Variants in CCNB1 observed in about 807,000 individuals in gnomAD.
CCNB1 encodes cyclin B1.
CCNB1 carries 26 observed loss-of-function variants against 44.4 expected under a neutral mutation model. That is an observed-to-expected ratio of 0.59 (90% CI 0.43 to 0.81). The LOEUF (loss-of-function observed/expected upper bound fraction) is 0.81, where lower values mean the gene tolerates loss of function less well. Among genes scored for constraint, CCNB1 ranks in the 40% least tolerant of loss-of-function variants. The probability of loss-of-function intolerance (pLI) is 0.00; values close to 1 mark genes in which losing one functional copy is unlikely to be tolerated. For synonymous variants in CCNB1, 195 were observed against 181.4 expected (o/e 1.08, Z -0.60); for missense variants, 477 against 520.9 (o/e 0.92, Z 0.82).
At chr5:69,169,243 A>G (rs1344992827) in intron 3 of CCNB1, among the ~76,000 whole-genome samples, 1 of 151,920 alleles carries the variant, frequency 6.6e-6, no homozygotes, top group Non-Finnish European at 1.5e-5. Context: ...GCTAATTTTC[A>G]TATTTTTAGT....
At position 69,175,064 on chromosome 5, in the gene CCNB1, G is replaced by A. The variant is rs1747552556; in HGVS notation, c.893G>A (p.Gly298Asp). Residue 298 changes from glycine (G) to aspartate (D), a missense_variant, in exon 6 of 9, where the codon GGT (glycine) becomes GAT (aspartate). By Grantham distance (94) the Gly-to-Asp change is moderately conservative (BLOSUM62 -1). Transcript: ENST00000256442. ...KILRALNFGL[G>D]RPLPLHFLRR... ...CTAAGAGCTTTAAACTTTGGTCTGGGTCGGCCTCTACCTTTGCACTTCCTT... is the reference window on the plus strand; with the variant it reads ...CTAAGAGCTTTAAACTTTGGTCTGGATCGGCCTCTACCTTTGCACTTCCTT... The A allele has an allele frequency of 1.9e-6, 3 of 1,614,044 alleles. No individual in the cohort carries two copies. Among genetic ancestry groups the A allele is most frequent in the Non-Finnish European group, 2.5e-6 (3 of 1,180,058 alleles).
chr5:69,171,533 A>C, intron 4 of CCNB1, 81 bp downstream of exon 4: 2 of 1,019,984 alleles, frequency 2.0e-6, no homozygotes, highest in Non-Finnish European at 2.9e-6. Flanking sequence ...ATAATAATAC[A>C]AGCAGGACGT....
chr5:69,174,938 G>A lies in CCNB1; in HGVS notation c.767G>A (p.Ser256Asn). The change falls in exon 6 of 9, where the codon AGC (serine) becomes AAC (asparagine). Residue 256 changes from serine (S) to asparagine (N), a missense_variant. By Grantham distance (46) the Ser-to-Asn change is conservative. Coordinates refer to ENST00000256442, the MANE Select transcript of CCNB1 (RefSeq NM_031966.4). ...LVGVTAMFIA[S>N]KYEEMYPPEI... ...GGTGTCACTGCCATGTTTATTGCAA[G>A]CAAATATGAAGAAATGTACCCTCCA... The A allele has an allele frequency of 6.2e-7, 1 of 1,614,148 alleles. No homozygotes were observed. Among genetic ancestry groups the A allele is most frequent in the Non-Finnish European group, 8.5e-7 (1 of 1,180,026 alleles).
chr5:69,177,462 AT>A (rs1349240371), intron 8 of CCNB1, 61 bp from the exon 9 acceptor site: 1 of 1,241,418 alleles, frequency 8.1e-7, no homozygotes, highest in African/African-American at 1.5e-5. Context: ...GAATACCTGT[AT>A]CATTGCATCT....
At chr5:69,174,518 G>A (rs1048379920) in intron 5 of CCNB1, 109 bp downstream of exon 5, 2 of 1,009,268 alleles carry the variant, frequency 2.0e-6, no homozygotes, top group Non-Finnish European at 3.0e-6. Context: ...AATCCCAGCG[G>A]GCGGGTGGAT....
At position 69,177,616 on chromosome 5, in the gene CCNB1, T is replaced by A; in HGVS notation, c.1287T>A (p.Ala429=). 6.2e-7 allele frequency: 1 copy of A among 1,610,270 alleles called. No homozygotes were observed. Among genetic ancestry groups the A allele is most frequent in the Non-Finnish European group, 8.5e-7 (1 of 1,176,746 alleles). The change falls in exon 9 of 9, where the codon GCT becomes GCA. Residue 429 remains alanine, a synonymous_variant. Coordinates refer to ENST00000256442, the MANE Select transcript of CCNB1 (RefSeq NM_031966.4). The stretch of plus-strand genomic sequence containing the variant: ...CACTAGTTCAAGATTTAGCCAAGGC[T>A]GTGGCAAAGGTGTAACTTGTAAACT... ...NSALVQDLAK[A]VAKV is the part of the protein sequence containing the mutation.
At chr5:69,172,400 G>A (rs1466057683) in intron 4 of CCNB1, among the ~76,000 whole-genome samples, 1 of 152,064 alleles carries the variant, frequency 6.6e-6, no homozygotes, top group African/African-American at 2.4e-5. Flanking sequence ...GGGATTACAG[G>A]TGCCCACCAC....
In CCNB1 at chr5:69,177,569, A is replaced by G; in HGVS notation, c.1240A>G (p.Thr414Ala). 2.5e-6 allele frequency: 4 copies of G among 1,613,798 alleles called. No homozygotes were observed. The highest frequency in any genetic ancestry group is 1.1e-5 in the South Asian group (1 of 91,070). ...YATSKHAKISTLPQLNSALVQ... is the reference protein window; with the variant it reads ...YATSKHAKISALPQLNSALVQ... Reference sequence around the variant, plus strand: ...CACATCGAAGCATGCTAAGATCAGCACTCTACCACAGCTGAATTCTGCACT... The same window carrying G: ...CACATCGAAGCATGCTAAGATCAGCGCTCTACCACAGCTGAATTCTGCACT... The change falls in exon 9 of 9, where the codon ACT (threonine) becomes GCT (alanine). Residue 414 changes from threonine to alanine, a missense_variant. Coordinates refer to ENST00000256442, the MANE Select transcript of CCNB1 (RefSeq NM_031966.4).
intron 4 of CCNB1, among the ~76,000 whole-genome samples, chr5:69,172,940 A>AT (rs1232166108): frequency 6.6e-6 from 1 of 151,510 alleles, no homozygotes; most frequent in Non-Finnish European, 1.5e-5. Context: ...CGCCTGGCTA[A>AT]TTTTTTATAT....
chr5:69,172,509 G>C (rs1262726915), intron 4 of CCNB1, among the ~76,000 whole-genome samples: 2 of 151,936 alleles, frequency 1.3e-5, no homozygotes, highest in Non-Finnish European at 2.9e-5. Context: ...TACCCATCCC[G>C]GCCTCCCAAA....
chr5:69,176,119 C>T (rs984432381), intron 7 of CCNB1, among the ~76,000 whole-genome samples: 3 of 151,030 alleles, frequency 2.0e-5, no homozygotes, highest in African/African-American at 7.3e-5. Context: ...AAACTCTGGG[C>T]TCAAGCGATC....
Position 69,174,546 on chromosome 5 carries a change from G to A in CCNB1, c.705+137G>A, listed in dbSNP as rs568984796. The A allele has an allele frequency of 1.1e-4, 92 of 805,664 alleles. 1 individual carries two copies. Among genetic ancestry groups the A allele is most frequent in the Non-Finnish European group, 1.7e-4 (84 of 498,696 alleles). 49.9% of individuals were successfully genotyped at this position (805,664 alleles called of 1,614,324 possible). On this transcript the variant is annotated intron_variant, in intron 5 of 8. Transcript: ENST00000256442. Reference sequence around the variant, plus strand: ...GGGTGGATCACAAGGTTAGGAGATCGAGACCATCCTGGCCAACGCAGTAAA... The same window carrying A: ...GGGTGGATCACAAGGTTAGGAGATCAAGACCATCCTGGCCAACGCAGTAAA...
intron 7 of CCNB1, 65 bp downstream of exon 7, chr5:69,175,602 T>C (rs1247914725): frequency 6.6e-6 from 10 of 1,505,628 alleles, no homozygotes; most frequent in South Asian, 6.1e-5. Context: ...TACAGAACTT[T>C]TGTTATTAAA....
In CCNB1 at chr5:69,167,219, T is replaced by G; in HGVS notation, c.-44T>G. ...TCCTTGGCTGGTCGGGCCTCCGGTG[T>G]TCTGCTTCTCCCCGCTGAGCTGCTG... On this transcript the variant is annotated 5_prime_UTR_variant, in exon 1 of 9. Transcript: ENST00000256442. The G allele has an allele frequency of 6.6e-7, 1 of 1,525,998 alleles. No individual in the cohort carries two copies. The highest frequency in any genetic ancestry group is 2.4e-5 in the East Asian group (1 of 41,562). 94.5% of individuals were successfully genotyped at this position (1,525,998 alleles called of 1,614,324 possible).
intron 4 of CCNB1, among the ~76,000 whole-genome samples, chr5:69,172,561 G>T (rs913374842): frequency 2.6e-5 from 4 of 151,778 alleles, no homozygotes; most frequent in African/African-American, 9.7e-5. Context: ...CCAGCCCCCA[G>T]TTGTTTCTAA....
chr5:69,167,828 C>G (rs1257541599), intron 1 of CCNB1, 80 bp from the exon 2 acceptor site: 1 of 1,316,130 alleles, frequency 7.6e-7, no homozygotes, highest in African/African-American at 1.5e-5. Context: ...GGGAACTTCT[C>G]CTTGTGCCCC....
intron 3 of CCNB1, among the ~76,000 whole-genome samples, 174 bp downstream of exon 3, chr5:69,168,517 G>A (rs1747391027): frequency 8.0e-6 from 1 of 124,574 alleles, no homozygotes; most frequent in Admixed American, 8.3e-5. Flanking sequence ...ATCTTTACAC[G>A]TACTCTCTGA....
chr5:69,171,601 T>G, intron 4 of CCNB1, 149 bp downstream of exon 4: 1 of 604,488 alleles, frequency 1.7e-6, no homozygotes, highest in South Asian at 2.3e-5. Context: ...ATACCTATAA[T>G]AAAAAGTCAC....
Position 69,177,369 on chromosome 5 carries a change from T to C in CCNB1, c.1194+20T>C, listed in dbSNP as rs772822403. ...CACATGGTGAGTCAATATAGTGGCA[T>C]TGTAAGATGCTGAAAAGTGTAATAA... On this transcript the variant is annotated intron_variant, in intron 8 of 8. Coordinates refer to ENST00000256442, the MANE Select transcript of CCNB1 (RefSeq NM_031966.4). The C allele has an allele frequency of 1.3e-6, 2 of 1,486,632 alleles. No homozygotes were observed. The highest frequency in any genetic ancestry group is 1.9e-6 in the Non-Finnish European group (2 of 1,065,518). The allele number at this position is 1,486,632 out of a possible 1,614,324, so 92.1% of individuals were successfully genotyped here.
Sources: gnomAD v4.1 joint callset for allele counts (sites outside exome capture counted in the v4.1 genomes callset) on GRCh38, gnomAD v4.1.1 for gene constraint, MANE v1.5 for transcripts, NCBI Gene and HGNC (gene_info 2026-07-23, HGNC 2026-07-21) for gene names.